NME8: variants seen among roughly 807,000 people sequenced by gnomAD.
NME8 encodes NME/NM23 family member 8.
Under a neutral mutation model 82.3 loss-of-function variants are expected in NME8, and 72 were observed. The observed-to-expected ratio is 0.87, with a 90% CI of 0.72 to 1.06. The LOEUF (loss-of-function observed/expected upper bound fraction) is 1.06, where lower values mean the gene tolerates loss of function less well. NME8 is among the 50% of genes least tolerant of loss of function. The pLI is 0.00. For missense variants in NME8, 712 were observed against 685.4 expected, an observed-to-expected ratio of 1.04 and a Z score of -0.43; for synonymous variants, 267 against 228.5, an observed-to-expected ratio of 1.17 and a Z score of -1.52.
intron 12 of NME8, among the ~76,000 whole-genome samples, chr7:37,882,463 G>C (rs1439436134): frequency 6.6e-6 from 1 of 151,098 alleles, no homozygotes; most frequent in Admixed American, 6.6e-5. Flanking sequence ...CCCCAGCCTG[G>C]GCGACAGAGT....
chr7:37,851,654 A>G lies in NME8; in HGVS notation c.198+919A>G, dbSNP rs569169288. On this transcript the variant is annotated intron_variant, in intron 5 of 17. Coordinates refer to ENST00000199447, the MANE Select transcript of NME8 (RefSeq NM_016616.5). Reference sequence around the variant, plus strand: ...CGGGTTAAGTAAAATTTATTATCACATTATTTTCACCTTTTTTTGTTTTTA... The same window carrying G: ...CGGGTTAAGTAAAATTTATTATCACGTTATTTTCACCTTTTTTTGTTTTTA... 2.7e-3 allele frequency among the ~76,000 whole-genome samples: 417 copies of G among 152,218 alleles called. 1 individual carries two copies. Among genetic ancestry groups the G allele is most frequent in the African/African-American group, 9.2e-3 (383 of 41,548 alleles).
At chr7:37,857,580 G>T (rs1340159270) in intron 6 of NME8, among the ~76,000 whole-genome samples, 1 of 152,152 alleles carries the variant, frequency 6.6e-6, no homozygotes, top group African/African-American at 2.4e-5. Flanking sequence ...AAGTAAGATG[G>T]CGTTTATCTT....
rs192453978 is a variant in NME8, at chr7:37,871,536, A to G, written c.818+3638A>G. The stretch of plus-strand genomic sequence containing the variant: ...AGGTAGTAACTGGCAGAGTCTTCTC[A>G]TTCATTCACTTATTCTGTTATGTGT... On this transcript the variant is annotated intron_variant, in intron 11 of 17. Coordinates refer to ENST00000199447, the MANE Select transcript of NME8 (RefSeq NM_016616.5). Among the ~76,000 whole-genome samples the G allele has an allele frequency of 2.0e-5, 3 of 152,270 alleles. No homozygotes were observed. The East Asian group carries it at 5.8e-4, about 29-fold the overall frequency.
intron 12 of NME8, among the ~76,000 whole-genome samples, chr7:37,878,577 C>T (rs541853732): frequency 1.3e-5 from 2 of 152,114 alleles, no homozygotes; most frequent in Admixed American, 1.3e-4. Flanking sequence ...ATGGGGTTCT[C>T]TTTTTTGGAA....
chr7:37,859,754 T>A (rs549946018), intron 6 of NME8, among the ~76,000 whole-genome samples: 1 of 152,296 alleles, frequency 6.6e-6, no homozygotes, highest in South Asian at 2.1e-4. Context: ...GACTTTAGTA[T>A]CCACACTGAC....
chr7:37,874,845 A>C (rs966596494), intron 11 of NME8, among the ~76,000 whole-genome samples: 2 of 152,208 alleles, frequency 1.3e-5, no homozygotes, highest in Non-Finnish European at 2.9e-5. Context: ...ACACAGTTTC[A>C]TATAATGTCC....
In NME8 at chr7:37,849,025, C is replaced by T. The variant is rs4720262; in HGVS notation, c.-39C>T. On this transcript the variant is annotated 5_prime_UTR_variant, in exon 2 of 18. Transcript: ENST00000199447. The stretch of plus-strand genomic sequence containing the variant: ...CTGTTCCTTCCTTTTCTTTAAACGT[C>T]CCAGTCTAGCTTAGAGGAGGACCTG... 0.22 allele frequency: 32,934 copies of T among 152,218 alleles called. 4,522 individuals are homozygous for T. The highest frequency in any genetic ancestry group is 0.31 in the Non-Finnish European group (21,062 of 68,028). The allele number at this position is 152,218 out of a possible 1,614,324, so 9.4% of individuals were successfully genotyped here.
chr7:37,892,803 A>AT (rs1395549997), intron 15 of NME8, among the ~76,000 whole-genome samples: 3 of 151,790 alleles, frequency 2.0e-5, no homozygotes, highest in Non-Finnish European at 2.9e-5. Context: ...ATGATTTATG[A>AT]TTTTTTTAAT....
intron 11 of NME8, among the ~76,000 whole-genome samples, chr7:37,871,152 C>T (rs145592096): frequency 7.4e-4 from 112 of 152,268 alleles, no homozygotes; most frequent in African/African-American, 2.3e-3. Context: ...GACCCCTCTG[C>T]GTACAGAGCA....
intron 5 of NME8, among the ~76,000 whole-genome samples, chr7:37,854,490 T>C (rs1000167688): frequency 6.6e-6 from 1 of 152,172 alleles, no homozygotes; most frequent in African/African-American, 2.4e-5. Flanking sequence ...ACGTTTTTGC[T>C]TTTTCATTGC....
chr7:37,857,279 A>G lies in NME8; in HGVS notation c.204A>G (p.Glu68=). The part of the protein sequence containing the change: ...EDEILHFAVA[E]ADNIVTLQPF... ...GAAATGTTTACTTTTTCCAGGCAGA[A>G]GCTGACAACATTGTGACTTTGCAGC... The change falls in exon 6 of 18, where the codon GAA becomes GAG. Residue 68 remains glutamate (E), a synonymous_variant. Coordinates refer to ENST00000199447, the MANE Select transcript of NME8 (RefSeq NM_016616.5). 6.2e-7 allele frequency: 1 copy of G among 1,609,946 alleles called. No homozygotes were observed.
intron 11 of NME8, among the ~76,000 whole-genome samples, chr7:37,876,499 A>G (rs1784855245): frequency 6.6e-6 from 1 of 152,052 alleles, no homozygotes; most frequent in South Asian, 2.1e-4. Flanking sequence ...CAAGATTAAA[A>G]AGAAAATTAA....
chr7:37,882,602 AGAGAGAGAGAG>A (rs1562838267), intron 12 of NME8, among the ~76,000 whole-genome samples: 9,916 of 91,456 alleles, frequency 0.11, 613 homozygotes, highest in Middle Eastern at 0.18. Context: ...AAAGAAAGAG[AGAGAGAGAGAG>A]AGAAAGAAAG....
In NME8 at chr7:37,882,597, A is replaced by AAGAAAGAGAGAG. The variant is rs1554365622; in HGVS notation, c.995-1703_995-1702insAAGAGAGAGAGA. ...AAAGAAAGAAAGAAAGAAAGAAAGA[A>AAGAAAGAGAGAG]AGAGAGAGAGAGAGAGAGAAAGAAA... is the stretch of plus-strand genomic sequence containing the variant. On this transcript the variant is annotated intron_variant, in intron 12 of 17. Transcript: ENST00000199447. Among the ~76,000 whole-genome samples, 373 of 82,968 alleles carry AAGAAAGAGAGAG rather than the reference A, an allele frequency of 4.5e-3. 2 individuals carry two copies. The highest frequency in any genetic ancestry group is 5.0e-3 in the South Asian group (12 of 2,414). 54.4% of individuals were successfully genotyped at this position (82,968 alleles called of 152,430 possible).
At chr7:37,886,447 C>T (rs1377075110) in intron 14 of NME8, among the ~76,000 whole-genome samples, 1 of 152,172 alleles carries the variant, frequency 6.6e-6, no homozygotes, top group Non-Finnish European at 1.5e-5. Context: ...TTCCACTTTC[C>T]TTGGCTCCAC....
intron 15 of NME8, 61 bp downstream of exon 15, chr7:37,888,489 A>G: frequency 1.3e-6 from 2 of 1,515,104 alleles, no homozygotes; most frequent in East Asian, 4.8e-5. Context: ...GAACATTTAA[A>G]AAATTTACAA....
intron 15 of NME8, among the ~76,000 whole-genome samples, chr7:37,890,611 T>C (rs1430897960): frequency 6.6e-6 from 1 of 152,000 alleles, no homozygotes; most frequent in East Asian, 1.9e-4. Flanking sequence ...AGCACCATTC[T>C]GCTCTCTACT....
chr7:37,899,528 G>A (rs192062618), intron 17 of NME8, among the ~76,000 whole-genome samples: 5 of 152,072 alleles, frequency 3.3e-5, no homozygotes, highest in Admixed American at 3.3e-4. Flanking sequence ...GCCTGTCGGT[G>A]GGGGCTGGGG....
chr7:37,896,332 GGCAAAGAA>G (rs1461002134), intron 16 of NME8, among the ~76,000 whole-genome samples: 1 of 152,114 alleles, frequency 6.6e-6, no homozygotes, highest in East Asian at 1.9e-4. Flanking sequence ...AGGAAGACAG[GGCAAAGAA>G]GCAGGATGGG....
Sources: allele counts gnomAD v4.1 joint callset (sites outside exome capture counted in the v4.1 genomes callset), GRCh38; gene constraint gnomAD v4.1.1; transcripts MANE v1.5; gene names NCBI Gene and HGNC (gene_info 2026-07-23, HGNC 2026-07-21).